Variants in PPARGC1B observed in about 807,000 individuals in gnomAD.
PPARGC1B encodes the protein PPARG coactivator 1 beta.
Under a neutral mutation model 101.6 loss-of-function variants are expected in PPARGC1B, and 34 were observed. That is an observed-to-expected ratio of 0.33 (90% CI 0.25 to 0.45). The LOEUF is 0.45. Ranked by LOEUF, PPARGC1B falls within the 20% of genes least tolerant of loss-of-function variation. PPARGC1B has a pLI of 1.00. For synonymous variants in PPARGC1B, 548 were observed against 539.3 expected (o/e 1.02, Z -0.22); for missense variants, 1,234 against 1,317.6 (o/e 0.94, Z 0.98).
intron 1 of PPARGC1B, among the ~76,000 whole-genome samples, chr5:149,756,321 A>G (rs1755518997): frequency 6.6e-6 from 1 of 152,062 alleles, no homozygotes; most frequent in South Asian, 2.1e-4. Context: ...GTGTGGTGGC[A>G]GGCACCTGTA....
At chr5:149,784,847 G>A (rs935739772) in intron 1 of PPARGC1B, among the ~76,000 whole-genome samples, 1 of 151,960 alleles carries the variant, frequency 6.6e-6, no homozygotes, top group African/African-American at 2.4e-5. Flanking sequence ...GATTACAGGC[G>A]TGAGCCACCG....
chr5:149,794,934 C>T (rs1757156685), intron 1 of PPARGC1B, among the ~76,000 whole-genome samples: 1 of 152,216 alleles, frequency 6.6e-6, no homozygotes, highest in Non-Finnish European at 1.5e-5. Context: ...GGCCATTGCC[C>T]CACTGATGTG....
chr5:149,734,180 G>A (rs1054936523), intron 1 of PPARGC1B, among the ~76,000 whole-genome samples: 8 of 149,760 alleles, frequency 5.3e-5, no homozygotes, highest in African/African-American at 2.0e-4. Flanking sequence ...AAATTAGCTG[G>A]GCGTGGTGAC....
In PPARGC1B at chr5:149,854,349, G is replaced by C. The variant is rs1759881681; in HGVS notation, c.*6791G>C. The C allele has an allele frequency of 6.6e-6, 1 of 151,700 alleles. No individual in the cohort carries two copies. The highest frequency in any genetic ancestry group is 1.5e-5 in the Non-Finnish European group (1 of 67,924). The allele number at this position is 151,700 out of a possible 1,614,324, so 9.4% of individuals were successfully genotyped here. The stretch of plus-strand genomic sequence containing the variant: ...GGTGGGGGTGTGTGTGTGTGTATCT[G>C]TGCACACATACACACGTCTGTGCCT... On this transcript the variant is annotated 3_prime_UTR_variant, in exon 12 of 12. Transcript: ENST00000309241.
At chr5:149,794,399 G>A (rs1056806177) in intron 1 of PPARGC1B, among the ~76,000 whole-genome samples, 1 of 152,116 alleles carries the variant, frequency 6.6e-6, no homozygotes, top group Non-Finnish European at 1.5e-5. Context: ...GCCCATGTAG[G>A]CAAGGGGGCT....
chr5:149,786,973 C>T (rs187828787), intron 1 of PPARGC1B, among the ~76,000 whole-genome samples: 10 of 152,264 alleles, frequency 6.6e-5, no homozygotes, highest in East Asian at 3.9e-4. Flanking sequence ...AAGTCACCCC[C>T]GCAAAAAGAA....
intron 1 of PPARGC1B, among the ~76,000 whole-genome samples, chr5:149,738,145 C>T (rs953771492): frequency 5.3e-5 from 8 of 152,148 alleles, no homozygotes; most frequent in African/African-American, 1.9e-4. Flanking sequence ...CACTCCTGGA[C>T]GTTAAGCTCC....
At chr5:149,791,175 A>G (rs2113256711) in intron 1 of PPARGC1B, among the ~76,000 whole-genome samples, 1 of 113,268 alleles carries the variant, frequency 8.8e-6, no homozygotes, top group South Asian at 3.3e-4. Context: ...CCAGCTACTC[A>G]GGAGGCTGAG....
chr5:149,813,914 T>C (rs889753381), intron 1 of PPARGC1B, among the ~76,000 whole-genome samples: 3 of 152,154 alleles, frequency 2.0e-5, no homozygotes, highest in Non-Finnish European at 2.9e-5. Flanking sequence ...CCGAGCTTAC[T>C]TGGGTCTGTT....
At position 149,847,623 on chromosome 5, in the gene PPARGC1B, T is replaced by G. The variant is rs1759619706; in HGVS notation, c.*65T>G. 7.8e-7 allele frequency: 1 copy of G among 1,282,510 alleles called. No individual in the cohort carries two copies. Among genetic ancestry groups the G allele is most frequent in the Non-Finnish European group, 1.1e-6 (1 of 890,582 alleles). 79.4% of individuals were successfully genotyped at this position (1,282,510 alleles called of 1,614,324 possible). On this transcript the variant is annotated 3_prime_UTR_variant, in exon 12 of 12. Coordinates refer to ENST00000309241, the MANE Select transcript of PPARGC1B (RefSeq NM_133263.4). ...ACAAGGCCCTTCCAATATGTTTACG[T>G]TTTCAAAGAAATCAAGTATATGAGG... is the stretch of plus-strand genomic sequence containing the variant.
chr5:149,834,151 C>CAG (rs1222734734), intron 5 of PPARGC1B, among the ~76,000 whole-genome samples: 1 of 152,234 alleles, frequency 6.6e-6, no homozygotes, highest in Admixed American at 6.5e-5. Flanking sequence ...CTCCACAATG[C>CAG]AGCTAGAGTT....
At chr5:149,799,687 G>GT (rs1561553708) in intron 1 of PPARGC1B, among the ~76,000 whole-genome samples, 21 of 85,440 alleles carry the variant, frequency 2.5e-4, no homozygotes, top group African/African-American at 8.4e-4. Flanking sequence ...TTGTTTGCTT[G>GT]TTGTTGTTTT....
At chr5:149,813,396 C>T (rs574423846) in intron 1 of PPARGC1B, among the ~76,000 whole-genome samples, 23 of 152,254 alleles carry the variant, frequency 1.5e-4, no homozygotes, top group East Asian at 5.8e-4. Context: ...CATCCCAGGC[C>T]GACCTGAAGA....
intron 1 of PPARGC1B, among the ~76,000 whole-genome samples, chr5:149,739,145 A>G (rs1420537169): frequency 5.3e-5 from 8 of 152,192 alleles, no homozygotes. Context: ...GTCAACTCAT[A>G]CAGAAGTAGA....
intron 7 of PPARGC1B, 67 bp downstream of exon 7, chr5:149,835,432 T>G (rs778607724): frequency 2.1e-6 from 3 of 1,423,288 alleles, no homozygotes; most frequent in Non-Finnish European, 3.0e-6. Context: ...GAGTTTTTCA[T>G]CATGCATGGG....
intron 1 of PPARGC1B, among the ~76,000 whole-genome samples, chr5:149,818,483 C>T (rs544320127): frequency 7.2e-5 from 11 of 152,324 alleles, no homozygotes; most frequent in African/African-American, 2.2e-4. Context: ...TTGAGAGGAC[C>T]TGGGCCTGTT....
At chr5:149,808,257 C>T (rs1757674526) in intron 1 of PPARGC1B, among the ~76,000 whole-genome samples, 1 of 152,118 alleles carries the variant, frequency 6.6e-6, no homozygotes, top group African/African-American at 2.4e-5. Flanking sequence ...GTAAGGCACC[C>T]TAATTCCAGC....
intron 1 of PPARGC1B, among the ~76,000 whole-genome samples, chr5:149,766,400 A>AAAGCTTGACTAG (rs1323707349): frequency 6.6e-6 from 1 of 152,196 alleles, no homozygotes; most frequent in East Asian, 1.9e-4. Flanking sequence ...CTTGACTAGC[A>AAAGCTTGACTAG]CTTTGCATCT....
At chr5:149,757,131 A>G (rs1399680196) in intron 1 of PPARGC1B, among the ~76,000 whole-genome samples, 1 of 152,232 alleles carries the variant, frequency 6.6e-6, no homozygotes, top group Non-Finnish European at 1.5e-5. Flanking sequence ...GTTATGCTAG[A>G]AAGTGCGGTC....
Sources: allele counts gnomAD v4.1 joint callset (sites outside exome capture counted in the v4.1 genomes callset), GRCh38; gene constraint gnomAD v4.1.1; transcripts MANE v1.5; gene names NCBI Gene and HGNC (gene_info 2026-07-23, HGNC 2026-07-21).